PRDM1: variants seen among roughly 807,000 people sequenced by gnomAD.
PRDM1 encodes PR/SET domain 1.
A neutral mutation model predicts 62.8 loss-of-function variants in PRDM1; 13 were observed. The observed-to-expected ratio is 0.21, with a 90% CI of 0.13 to 0.33. PRDM1 has a LOEUF of 0.33. PRDM1 is among the 10% of genes least tolerant of loss of function. The pLI is 1.00. For synonymous variants in PRDM1, 396 were observed against 417.6 expected (o/e 0.95, Z 0.63); for missense variants, 895 against 1,058.8 (o/e 0.85, Z 2.15).
intron 1 of PRDM1, among the ~76,000 whole-genome samples, chr6:105,998,905 ATATATATATATATATATATATATATATAT>A (rs1419067759): frequency 4.8e-3 from 99 of 20,462 alleles, no homozygotes; most frequent in Middle Eastern, 0.029. Context: ...ATATATATAT[ATATATATATATATATATATATATATATAT>A]TTTTTTTTTT....
chr6:106,020,997 A>G (rs1341240178), intron 1 of PRDM1, among the ~76,000 whole-genome samples: 1 of 152,152 alleles, frequency 6.6e-6, no homozygotes, highest in Admixed American at 6.5e-5. Context: ...TTTTCTTGGT[A>G]TGGATTTGGG....
intron 4 of PRDM1, among the ~76,000 whole-genome samples, chr6:106,101,107 G>A (rs768641584): frequency 3.3e-5 from 5 of 152,072 alleles, no homozygotes; most frequent in African/African-American, 7.2e-5. Flanking sequence ...CCAGCTGTGC[G>A]TCTCAGAAGA....
In PRDM1 at chr6:106,012,472, T is replaced by TCA. The variant is rs996580593; in HGVS notation, c.-67+18847_-67+18848dup. ...ACATGCATATCACACCCCTCCACAT[T>TCA]CACACACACACACACCCCTCCACAT... On this transcript the variant is annotated intron_variant, in intron 1 of 6. Transcript: ENST00000652320. 1.4e-4 allele frequency among the ~76,000 whole-genome samples: 21 copies of TCA among 145,188 alleles called. No homozygotes were observed. In the East Asian group the frequency reaches 3.6e-3, roughly 25 times the overall value.
intron 1 of PRDM1, among the ~76,000 whole-genome samples, chr6:106,079,166 T>C (rs1773651545): frequency 6.6e-6 from 1 of 151,996 alleles, no homozygotes; most frequent in East Asian, 1.9e-4. Context: ...GGTTTCACCA[T>C]GTTGGCCAGG....
At chr6:106,041,573 AGCATGAGATAGTTTCTTG>A (rs1772994823) in intron 1 of PRDM1, among the ~76,000 whole-genome samples, 2 of 152,222 alleles carry the variant, frequency 1.3e-5, no homozygotes, top group South Asian at 4.1e-4. Context: ...ATGAAGAAAT[AGCATGAGATAGTTTCTTG>A]GCATGATGGA....
At chr6:106,051,563 G>T (rs1042229589) in intron 1 of PRDM1, among the ~76,000 whole-genome samples, 2 of 152,212 alleles carry the variant, frequency 1.3e-5, no homozygotes, top group Non-Finnish European at 2.9e-5. Flanking sequence ...TATTTTGCTT[G>T]TTTAACTGAC....
chr6:106,020,556 G>A (rs1772686964), intron 1 of PRDM1, among the ~76,000 whole-genome samples: 1 of 152,114 alleles, frequency 6.6e-6, no homozygotes, highest in African/African-American at 2.4e-5. Context: ...GCTGAGATTT[G>A]GAGAGATTAA....
intron 1 of PRDM1, among the ~76,000 whole-genome samples, chr6:106,060,911 A>G (rs560313591): frequency 3.9e-5 from 6 of 152,226 alleles, no homozygotes; most frequent in African/African-American, 1.2e-4. Flanking sequence ...GTCTTCCGTC[A>G]TCAAGGGGGA....
chr6:106,104,310 C>A (rs1774370262), intron 4 of PRDM1, among the ~76,000 whole-genome samples: 1 of 151,022 alleles, frequency 6.6e-6, no homozygotes, highest in Admixed American at 6.6e-5. Flanking sequence ...CTCCCAGATT[C>A]AAGCGATTCT....
chr6:106,098,060 A>G (rs1022525134), intron 3 of PRDM1: 1 of 276,050 alleles, frequency 3.6e-6, no homozygotes, highest in African/African-American at 2.3e-5. Flanking sequence ...TATTTCTGAT[A>G]ACGTTTGAGC....
At chr6:106,018,233 A>G (rs1224258755) in intron 1 of PRDM1, among the ~76,000 whole-genome samples, 3 of 152,244 alleles carry the variant, frequency 2.0e-5, no homozygotes, top group Admixed American at 6.5e-5. Flanking sequence ...CTAGTAATGG[A>G]ACGTATAGTT....
chr6:106,095,835 G>A (rs1774101222), intron 3 of PRDM1, 101 bp downstream of exon 3: 2 of 1,320,176 alleles, frequency 1.5e-6, no homozygotes, highest in South Asian at 1.3e-5. Context: ...GAGAAATGCT[G>A]GGGCTCACCC....
chr6:106,071,270 C>T (rs1273329886), intron 1 of PRDM1, among the ~76,000 whole-genome samples: 1 of 150,756 alleles, frequency 6.6e-6, no homozygotes, highest in Admixed American at 6.6e-5. Context: ...GAGACTGGCT[C>T]AAAAAAAAGA....
At chr6:106,049,386 A>G (rs774844125) in intron 1 of PRDM1, among the ~76,000 whole-genome samples, 1 of 152,174 alleles carries the variant, frequency 6.6e-6, no homozygotes, top group Non-Finnish European at 1.5e-5. Flanking sequence ...TGTGCTTTCC[A>G]TGCATCCCTT....
intron 1 of PRDM1, among the ~76,000 whole-genome samples, chr6:106,022,977 C>T (rs1055069113): frequency 1.8e-4 from 27 of 152,176 alleles, no homozygotes; most frequent in African/African-American, 5.5e-4. Context: ...CAGGCTGCTG[C>T]GATTCTTTTG....
At chr6:106,016,899 G>A (rs570848519) in intron 1 of PRDM1, among the ~76,000 whole-genome samples, 4 of 152,200 alleles carry the variant, frequency 2.6e-5, no homozygotes, top group South Asian at 2.1e-4. Flanking sequence ...TGATCTGCCC[G>A]CCTTGGCCTC....
intron 1 of PRDM1, among the ~76,000 whole-genome samples, chr6:106,008,230 G>A (rs2114547778): frequency 6.6e-6 from 1 of 152,226 alleles, no homozygotes; most frequent in South Asian, 2.1e-4. Flanking sequence ...AATATTAGCT[G>A]GGCGTGGTGG....
intron 1 of PRDM1, among the ~76,000 whole-genome samples, chr6:106,033,196 G>A (rs1322760809): frequency 1.3e-5 from 2 of 151,984 alleles, no homozygotes; most frequent in East Asian, 3.8e-4. Flanking sequence ...CTGAAGTGCA[G>A]TGGCACAATC....
intron 1 of PRDM1, among the ~76,000 whole-genome samples, chr6:106,019,952 G>A (rs117311927): frequency 0.042 from 6,299 of 150,834 alleles, 152 homozygotes; most frequent in Non-Finnish European, 0.057. Context: ...AGGAAGAGCC[G>A]GGTGTGGTGG....
Sources: allele counts gnomAD v4.1 joint callset (sites outside exome capture counted in the v4.1 genomes callset), GRCh38; gene constraint gnomAD v4.1.1; transcripts MANE v1.5; gene names NCBI Gene and HGNC (gene_info 2026-07-23, HGNC 2026-07-21).